Variants in ADORA2B observed in about 807,000 individuals in gnomAD.
The protein encoded by ADORA2B is adenosine A2b receptor.
Under a neutral mutation model 20.8 loss-of-function variants are expected in ADORA2B, and 18 were observed. That is an observed-to-expected ratio of 0.87 (90% CI 0.60 to 1.29). The LOEUF (loss-of-function observed/expected upper bound fraction) is 1.29. ADORA2B is among the 50% of genes most tolerant of loss of function. The pLI, the probability that ADORA2B is intolerant of heterozygous loss-of-function variation, is 0.00. For missense variants in ADORA2B, 441 were observed against 422.7 expected, an observed-to-expected ratio of 1.04 and a Z score of -0.38; for synonymous variants, 179 against 178.3, an observed-to-expected ratio of 1.00 and a Z score of -0.03.
At chr17:15,913,807 C>T in the ADORA2B span, among the ~76,000 whole-genome samples, 2 of 152,212 alleles carry the variant, frequency 1.3e-5, no homozygotes, top group Non-Finnish European at 2.9e-5. Flanking sequence ...TTTATATCAC[C>T]CTTTAAACCA....
intron 1 of ADORA2B, among the ~76,000 whole-genome samples, chr17:15,968,231 CTTGTA>C (rs1191649980): frequency 2.6e-5 from 4 of 152,136 alleles, no homozygotes; most frequent in South Asian, 2.1e-4. Flanking sequence ...TGCAGGTCCA[CTTGTA>C]TTGGATTTTT....
At chr17:15,947,087 C>G (rs1322553785) in intron 1 of ADORA2B, among the ~76,000 whole-genome samples, 1 of 152,168 alleles carries the variant, frequency 6.6e-6, no homozygotes. Flanking sequence ...ACTCCATGTG[C>G]TGCTGCCCGT....
At chr17:15,896,204 A>C in the ADORA2B span, among the ~76,000 whole-genome samples, 1 of 152,158 alleles carries the variant, frequency 6.6e-6, no homozygotes, top group South Asian at 2.1e-4. Flanking sequence ...AAAATGACAA[A>C]ACACTTGAGA....
the ADORA2B span, chr17:15,908,583 A>G: frequency 5.1e-6 from 1 of 194,614 alleles, no homozygotes; most frequent in Admixed American, 5.1e-5. Context: ...CCTGACTGGT[A>G]GAGCATGATG....
the ADORA2B span, among the ~76,000 whole-genome samples, chr17:15,904,388 C>T: frequency 1.0e-4 from 15 of 143,520 alleles, no homozygotes; most frequent in African/African-American, 3.7e-4. Context: ...TTTTGTACTT[C>T]TGCTTTTTTT....
intron 1 of ADORA2B, among the ~76,000 whole-genome samples, chr17:15,955,783 ATCTTGGC>A (rs2151598457): frequency 1.3e-5 from 2 of 150,298 alleles, no homozygotes; most frequent in South Asian, 4.2e-4. Context: ...CAGTGGCACA[ATCTTGGC>A]TCACTGCAAC....
chr17:15,857,719 TCC>T, the ADORA2B span, among the ~76,000 whole-genome samples: 8 of 151,836 alleles, frequency 5.3e-5, no homozygotes, highest in African/African-American at 1.9e-4. Context: ...GGTCAATTTC[TCC>T]CATTTGGAAC....
chr17:15,862,161 T>C, the ADORA2B span, among the ~76,000 whole-genome samples: 52 of 152,118 alleles, frequency 3.4e-4, no homozygotes, highest in Non-Finnish European at 4.6e-4. Context: ...CCTGGCAGCA[T>C]TGACAGCTCC....
At chr17:15,969,342 T>C (rs1028378951) in intron 1 of ADORA2B, among the ~76,000 whole-genome samples, 1 of 151,938 alleles carries the variant, frequency 6.6e-6, no homozygotes, top group African/African-American at 2.4e-5. Context: ...TAGTCCCAGC[T>C]ACTCGGGAGG....
intron 1 of ADORA2B, among the ~76,000 whole-genome samples, chr17:15,955,245 G>C (rs1297582105): frequency 2.0e-5 from 3 of 152,104 alleles, no homozygotes; most frequent in Non-Finnish European, 4.4e-5. Flanking sequence ...TGGGGCTCTT[G>C]GGGCCAACTT....
the ADORA2B span, among the ~76,000 whole-genome samples, chr17:15,866,852 C>T: frequency 6.6e-6 from 1 of 152,236 alleles, no homozygotes; most frequent in Admixed American, 6.5e-5. Context: ...CTGGACTGTA[C>T]TGCTGCCATC....
At chr17:15,905,292 G>A in the ADORA2B span, among the ~76,000 whole-genome samples, 4 of 149,666 alleles carry the variant, frequency 2.7e-5, no homozygotes. Context: ...GTTGGGGGGG[G>A]GTTGCGATTG....
the ADORA2B span, among the ~76,000 whole-genome samples, chr17:15,906,433 C>T: frequency 6.6e-6 from 1 of 152,136 alleles, no homozygotes; most frequent in Non-Finnish European, 1.5e-5. Context: ...TGTTGAACCA[C>T]CCTTGCATTC....
chr17:15,918,530 A>C, the ADORA2B span, among the ~76,000 whole-genome samples: 3 of 152,258 alleles, frequency 2.0e-5, no homozygotes, highest in African/African-American at 7.2e-5. Context: ...GGAGTGCAGT[A>C]GCTTGAGGTC....
the ADORA2B span, among the ~76,000 whole-genome samples, chr17:15,879,944 A>G: frequency 0.1 from 14,870 of 146,706 alleles, 1,370 homozygotes; most frequent in South Asian, 0.23. Flanking sequence ...GAAACTTCTC[A>G]TTTAAAAGTT....
At chr17:15,850,367 T>A in the ADORA2B span, 3 of 152,176 alleles carry the variant, frequency 2.0e-5, no homozygotes, top group East Asian at 3.9e-4. Context: ...TTGTCCTACA[T>A]CTAGGACTGG....
rs1247514551 is a variant in ADORA2B at position 15,974,755 on chromosome 17, T to C, written c.412T>C (p.Leu138=). The C allele has an allele frequency of 1.1e-5, 17 of 1,614,160 alleles. No homozygotes were observed. The highest frequency in any genetic ancestry group is 1.4e-5 in the Non-Finnish European group (16 of 1,180,028). ...CTGGGTCCTTGCCTTTGGCATCGGA[T>C]TGACTCCATTCCTGGGGTGGAACAG... ...VLWVLAFGIG[L]TPFLGWNSKD... is the part of the protein sequence containing the mutation. The change falls in exon 2 of 2, where the codon TTG becomes CTG. Residue 138 remains leucine, a synonymous_variant. Coordinates refer to ENST00000304222, the MANE Select transcript of ADORA2B (RefSeq NM_000676.4).
chr17:15,872,586 G>A, the ADORA2B span, among the ~76,000 whole-genome samples: 1 of 152,160 alleles, frequency 6.6e-6, no homozygotes, highest in African/African-American at 2.4e-5. Flanking sequence ...GCAGTGTTTT[G>A]TGGTTCTTCT....
At chr17:15,960,097 A>G (rs1970016824) in intron 1 of ADORA2B, among the ~76,000 whole-genome samples, 1 of 152,014 alleles carries the variant, frequency 6.6e-6, no homozygotes, top group Non-Finnish European at 1.5e-5. Flanking sequence ...GCGAGGCCCC[A>G]TCTCTATGAA....
Sources: allele counts gnomAD v4.1 joint callset (sites outside exome capture counted in the v4.1 genomes callset), GRCh38; gene constraint gnomAD v4.1.1; transcripts MANE v1.5; gene names NCBI Gene and HGNC (gene_info 2026-07-23, HGNC 2026-07-21).